The following GALNT18 variants were observed in gnomAD, a reference collection of about 807,000 sequenced individuals.
The protein encoded by GALNT18 is GalNAc-transferase 18.
Under a neutral mutation model 69.5 loss-of-function variants are expected in GALNT18, and 44 were observed. The observed-to-expected ratio is 0.63, with a 90% CI of 0.50 to 0.81. The LOEUF is 0.81. Ranked by LOEUF, GALNT18 falls within the 40% of genes least tolerant of loss-of-function variation. The probability of loss-of-function intolerance (pLI) is 0.00; values close to 1 mark genes in which losing one functional copy is unlikely to be tolerated. For missense variants in GALNT18, 715 were observed against 810.0 expected (o/e 0.88, Z 1.42); for synonymous variants, 364 against 318.2 (o/e 1.14, Z -1.53).
At position 11,601,764 on chromosome 11, in the gene GALNT18, G is replaced by A. The variant is rs2133946528; in HGVS notation, c.235+19595C>T. Among the ~76,000 whole-genome samples the A allele has an allele frequency of 6.6e-6, 1 of 152,106 alleles. No individual in the cohort carries two copies. Among genetic ancestry groups the A allele is most frequent in the East Asian group, 1.9e-4 (1 of 5,188 alleles). ...TCATCAATAGATTCTTGGAAACTGTGACTTTAAGCAAAATATAACATATAA... is the reference window on the plus strand; with the variant it reads ...TCATCAATAGATTCTTGGAAACTGTAACTTTAAGCAAAATATAACATATAA... On this transcript the variant is annotated intron_variant, in intron 1 of 10. Coordinates refer to ENST00000227756, the MANE Select transcript of GALNT18 (RefSeq NM_198516.3). This position sits in a 1 kb window ranked among gnomAD's most constrained non-coding sequence, Gnocchi z 4.0.
chr11:11,548,294 T>C (rs1452120278), intron 1 of GALNT18, among the ~76,000 whole-genome samples: 1 of 152,184 alleles, frequency 6.6e-6, no homozygotes, highest in African/African-American at 2.4e-5. Context: ...TGCCTTCAGT[T>C]CCAGTGCACT....
At chr11:11,344,757 C>T (rs1413327189) in intron 6 of GALNT18, among the ~76,000 whole-genome samples, 1 of 152,196 alleles carries the variant, frequency 6.6e-6, no homozygotes, top group African/African-American at 2.4e-5. Flanking sequence ...AGTGTGAGCA[C>T]TATGTGGATG....
In GALNT18 at chr11:11,602,535, C is replaced by T. The variant is rs886127823; in HGVS notation, c.235+18824G>A. The stretch of plus-strand genomic sequence containing the variant: ...TGAGCTGGAATTGGGGGAGGAAGGG[C>T]AATTATGGCTCAAATGTCCCAGACT... On this transcript the variant is annotated intron_variant, in intron 1 of 10. Transcript: ENST00000227756. The surrounding 1 kb of genome is among the most constrained non-coding windows in gnomAD (Gnocchi z 4.7). Among the ~76,000 whole-genome samples, 3 of 152,092 alleles carry T rather than the reference C, an allele frequency of 2.0e-5. No individual in the cohort carries two copies. The highest frequency in any genetic ancestry group is 6.5e-5 in the Admixed American group (1 of 15,270).
Position 11,341,092 on chromosome 11 carries a change from A to G in GALNT18, c.1093-88T>C. 7.6e-7 allele frequency: 1 copy of G among 1,316,954 alleles called. No homozygotes were observed. The highest frequency in any genetic ancestry group is 1.4e-5 in the South Asian group (1 of 69,666). 81.6% of individuals were successfully genotyped at this position (1,316,954 alleles called of 1,614,324 possible). Reference sequence around the variant, plus strand: ...CAGGCAGCCACTTGACATGAGCAGGAAGAAAGTCAGCCCCTTCACCTTGAC... The same window carrying G: ...CAGGCAGCCACTTGACATGAGCAGGGAGAAAGTCAGCCCCTTCACCTTGAC... On this transcript the variant is annotated intron_variant, in intron 6 of 10. Coordinates refer to ENST00000227756, the MANE Select transcript of GALNT18 (RefSeq NM_198516.3). This position sits in a 1 kb window ranked among gnomAD's most constrained non-coding sequence, Gnocchi z 6.3.
rs574421674 is a variant in GALNT18, at chr11:11,271,654, T to G, written c.1678-364A>C. ...CCTAGTTTCTTGGGACGACCCATCATTGGCCTGCATTTGAGCATCACCAGA... is the reference window on the plus strand; with the variant it reads ...CCTAGTTTCTTGGGACGACCCATCAGTGGCCTGCATTTGAGCATCACCAGA... On this transcript the variant is annotated intron_variant, in intron 10 of 10. Transcript: ENST00000227756. 1.2e-4 allele frequency among the ~76,000 whole-genome samples: 13 copies of G among 110,464 alleles called. No individual in the cohort carries two copies. The South Asian group carries it at 3.8e-3, about 32-fold the overall frequency. 72.5% of individuals were successfully genotyped at this position (110,464 alleles called of 152,430 possible).
rs189721013 is a variant in GALNT18, at chr11:11,435,479, A to C, written c.429-2692T>G. ...AAAGACTTTTGAACATAAAGTTTTC[A>C]TAAGAAAACTCATTTGAACATAGCT... On this transcript the variant is annotated intron_variant, in intron 2 of 10. Transcript: ENST00000227756. The surrounding 1 kb of genome is among the most constrained non-coding windows in gnomAD (Gnocchi z 4.4). Among the ~76,000 whole-genome samples the C allele has an allele frequency of 1.6e-4, 25 of 152,354 alleles. No homozygotes were observed. In the East Asian group the frequency reaches 4.6e-3, roughly 28 times the overall value.
intron 1 of GALNT18, among the ~76,000 whole-genome samples, chr11:11,468,290 C>T: frequency 6.6e-6 from 1 of 152,170 alleles, no homozygotes; most frequent in East Asian, 1.9e-4. Context: ...CATGGAAAGA[C>T]CCACCTCCCC....
At chr11:11,330,727 G>C (rs866969339) in intron 8 of GALNT18, among the ~76,000 whole-genome samples, 10 of 152,230 alleles carry the variant, frequency 6.6e-5, no homozygotes, top group African/African-American at 2.2e-4. Context: ...TGTTTCTGGG[G>C]ATGGCATGGA....
intron 9 of GALNT18, among the ~76,000 whole-genome samples, chr11:11,301,063 G>C (rs1207232598): frequency 1.3e-5 from 2 of 152,140 alleles, no homozygotes; most frequent in African/African-American, 4.8e-5. Context: ...AAGGTAGGCA[G>C]GGACGAGGGT....
At chr11:11,276,113 T>C (rs1848940795) in intron 10 of GALNT18, among the ~76,000 whole-genome samples, 1 of 152,208 alleles carries the variant, frequency 6.6e-6, no homozygotes. Context: ...ATCTACAAAT[T>C]GCTTTGGGCA....
Position 11,290,243 on chromosome 11 carries a change from C to G in GALNT18, c.1677+2786G>C, listed in dbSNP as rs1849273337. 2.0e-5 allele frequency among the ~76,000 whole-genome samples: 3 copies of G among 152,298 alleles called. No homozygotes were observed. In the South Asian group the frequency reaches 6.2e-4, roughly 32 times the overall value. On this transcript the variant is annotated intron_variant, in intron 10 of 10. Transcript: ENST00000227756. ...GGGGGCTGACGCAGGCTATGAAGAC[C>G]CCGGGGTCATGGAGGAGAGGGAGGA... is the stretch of plus-strand genomic sequence containing the variant.
At chr11:11,425,749 C>T (rs959755043) in intron 3 of GALNT18, among the ~76,000 whole-genome samples, 1 of 152,136 alleles carries the variant, frequency 6.6e-6, no homozygotes, top group Non-Finnish European at 1.5e-5. Context: ...TACTGGAATA[C>T]CTGTGTCACA....
In GALNT18 at chr11:11,564,019, G is replaced by A. The variant is rs1170569967; in HGVS notation, c.235+57340C>T. ...CCTAAAAACCAGCAACGATCAACTA[G>A]ATGCTGATTACTAGTGAGGCACCAT... On this transcript the variant is annotated intron_variant, in intron 1 of 10. Coordinates refer to ENST00000227756, the MANE Select transcript of GALNT18 (RefSeq NM_198516.3). This position sits in a 1 kb window ranked among gnomAD's most constrained non-coding sequence, Gnocchi z 4.3. Among the ~76,000 whole-genome samples the A allele has an allele frequency of 2.6e-5, 4 of 152,106 alleles. No individual in the cohort carries two copies. The highest frequency in any genetic ancestry group is 5.9e-5 in the Non-Finnish European group (4 of 68,034).
intron 1 of GALNT18, among the ~76,000 whole-genome samples, chr11:11,599,414 C>A (rs114467989): frequency 0.012 from 1,891 of 151,816 alleles, 47 homozygotes; most frequent in African/African-American, 0.044. Context: ...AAATATAGCC[C>A]CTCCAGATTT....
Position 11,404,598 on chromosome 11 carries a change from G to A in GALNT18, c.596-25334C>T, listed in dbSNP as rs765218349. The stretch of plus-strand genomic sequence containing the variant: ...GAACCACGGCTCCATCCAAACCTAA[G>A]CCCTCCGCCCCACCCTGCGTTCTGG... On this transcript the variant is annotated intron_variant, in intron 3 of 10. Transcript: ENST00000227756. The surrounding 1 kb of genome is among the most constrained non-coding windows in gnomAD (Gnocchi z 4.5). Among the ~76,000 whole-genome samples, 4 of 152,050 alleles carry A rather than the reference G, an allele frequency of 2.6e-5. No individual in the cohort carries two copies. The highest frequency in any genetic ancestry group is 4.4e-5 in the Non-Finnish European group (3 of 68,018).
rs551043770 is a variant in GALNT18 at position 11,621,559 on chromosome 11, G to A, written c.35C>T (p.Ser12Phe). 6.2e-7 allele frequency: 1 copy of A among 1,612,410 alleles called. No homozygotes were observed. Among genetic ancestry groups the A allele is most frequent in the South Asian group, 1.1e-5 (1 of 90,876 alleles). Residue 12 changes from serine (S) to phenylalanine (F), a missense_variant, in exon 1 of 11, where the codon TCC becomes TTC. Transcript: ENST00000227756. The surrounding 1 kb of genome is among the most constrained non-coding windows in gnomAD (Gnocchi z 9.3). ...CATGCCGCTCAGGATCACGCAAGTG[G>A]ACACCAAAGTTTTGGTCTTCCTGGT... ...VCTRKTKTLVSTCVILSGMTN... is the reference protein window; with the variant it reads ...VCTRKTKTLVFTCVILSGMTN...
rs1859375654 is a variant in GALNT18 at position 11,592,247 on chromosome 11, A to G, written c.235+29112T>C. 6.6e-6 allele frequency among the ~76,000 whole-genome samples: 1 copy of G among 152,176 alleles called. No homozygotes were observed. The highest frequency in any genetic ancestry group is 1.9e-4 in the East Asian group (1 of 5,190). On this transcript the variant is annotated intron_variant, in intron 1 of 10. Transcript: ENST00000227756. The surrounding 1 kb of genome is among the most constrained non-coding windows in gnomAD (Gnocchi z 5.9). ...TTTAATGACTCTAAAGAGACAGAAAAGCTTTAATCAATGCCCGGAAGTGAA... is the reference window on the plus strand; with the variant it reads ...TTTAATGACTCTAAAGAGACAGAAAGGCTTTAATCAATGCCCGGAAGTGAA...
At chr11:11,578,220 C>A (rs1365369168) in intron 1 of GALNT18, among the ~76,000 whole-genome samples, 3 of 151,860 alleles carry the variant, frequency 2.0e-5, no homozygotes, top group Non-Finnish European at 4.4e-5. Flanking sequence ...GTCAGGAGAA[C>A]CCCAGCAGCC....
chr11:11,428,855 A>C (rs1451967002), intron 3 of GALNT18, among the ~76,000 whole-genome samples: 1 of 152,186 alleles, frequency 6.6e-6, no homozygotes, highest in Non-Finnish European at 1.5e-5. Flanking sequence ...TGTGAGGGTA[A>C]GTATTGTTTC....
Sources: gnomAD v4.1 joint callset for allele counts (sites outside exome capture counted in the v4.1 genomes callset) on GRCh38, gnomAD v4.1.1 for gene constraint, Gnocchi (gnomAD v3.1) non-coding constraint, MANE v1.5 for transcripts, NCBI Gene and HGNC (gene_info 2026-07-23, HGNC 2026-07-21) for gene names.